WDFY3: variants seen among roughly 807,000 people sequenced by gnomAD.
WDFY3 encodes the protein WD repeat and FYVE domain-containing protein 3.
A neutral mutation model predicts 409.6 loss-of-function variants in WDFY3; 66 were observed. The observed-to-expected ratio is 0.16, with a 90% CI of 0.13 to 0.20. The LOEUF is 0.20. WDFY3 is among the 10% of genes least tolerant of loss of function. The pLI is 1.00. For missense variants in WDFY3, 3,031 were observed against 4,298.1 expected (o/e 0.71, Z 8.24); for synonymous variants, 1,521 against 1,537.1 (o/e 0.99, Z 0.25).
intron 4 of WDFY3, among the ~76,000 whole-genome samples, chr4:84,855,444 T>C (rs1759628062): frequency 6.6e-6 from 1 of 152,194 alleles, no homozygotes; most frequent in Admixed American, 6.5e-5. Flanking sequence ...TTTCAGAAGA[T>C]TTCCTGGCAC....
At chr4:84,699,181 A>G (rs1360015198) in intron 56 of WDFY3, among the ~76,000 whole-genome samples, 3 of 152,094 alleles carry the variant, frequency 2.0e-5, no homozygotes, top group African/African-American at 7.2e-5. Flanking sequence ...TATCACCACC[A>G]AAGTAATCTT....
chr4:84,722,175 G>A (rs1734959419), intron 46 of WDFY3, among the ~76,000 whole-genome samples: 1 of 152,044 alleles, frequency 6.6e-6, no homozygotes, highest in South Asian at 2.1e-4. Context: ...ATCACCTGAG[G>A]TCAGGAGTTT....
intron 3 of WDFY3, among the ~76,000 whole-genome samples, chr4:84,880,911 G>A (rs1578958772): frequency 6.6e-6 from 1 of 150,442 alleles, no homozygotes; most frequent in East Asian, 2.0e-4. Flanking sequence ...TTAGTAGAGA[G>A]GGGGTTTCGC....
chr4:84,813,588 C>T (rs983515580), intron 13 of WDFY3, among the ~76,000 whole-genome samples: 1 of 151,954 alleles, frequency 6.6e-6, no homozygotes, highest in Admixed American at 6.6e-5. Flanking sequence ...GTATTTATAC[C>T]CTGGAAATCA....
intron 1 of WDFY3, among the ~76,000 whole-genome samples, chr4:84,962,442 C>G (rs1003749327): frequency 7.2e-5 from 11 of 152,058 alleles, no homozygotes; most frequent in African/African-American, 2.7e-4. Flanking sequence ...CGAGATAAAA[C>G]TTTAAGAGCA....
Position 84,860,424 on chromosome 4 carries a change from T to G in WDFY3, c.168A>C (p.Pro56=), listed in dbSNP as rs1244441138. ...AACCTGGACTTACCCTGTTAAACAC[T>G]GGCAGCATCATATACAGTTTCTCTT... ...EQEEKLYMML[P]VFNRVFGNAP... Residue 56 remains proline (P), a synonymous_variant, in exon 4 of 68, where the codon CCA becomes CCC. Transcript: ENST00000295888. 4 of 1,612,856 alleles carry G rather than the reference T, an allele frequency of 2.5e-6. No individual in the cohort carries two copies. In the African/African-American group the frequency reaches 5.3e-5, roughly 22 times the overall value.
At chr4:84,945,492 A>G (rs1302973982) in intron 1 of WDFY3, among the ~76,000 whole-genome samples, 1 of 152,246 alleles carries the variant, frequency 6.6e-6, no homozygotes, top group Non-Finnish European at 1.5e-5. Flanking sequence ...AACTCACTTC[A>G]AATGGTGATG....
chr4:84,738,224 T>G (rs1455386969), intron 40 of WDFY3, among the ~76,000 whole-genome samples: 1 of 151,664 alleles, frequency 6.6e-6, no homozygotes, highest in Non-Finnish European at 1.5e-5. Flanking sequence ...TCACTAAACA[T>G]GTGGAAATAA....
chr4:84,862,621 T>C (rs991812338), intron 3 of WDFY3, among the ~76,000 whole-genome samples: 1 of 152,180 alleles, frequency 6.6e-6, no homozygotes, highest in African/African-American at 2.4e-5. Context: ...CCTTACCCTG[T>C]AGCTAGAGTT....
chr4:84,796,792 A>C (rs772025160), intron 18 of WDFY3, 40 bp from the exon 19 acceptor site: 30 of 1,505,278 alleles, frequency 2.0e-5, no homozygotes, highest in Non-Finnish European at 2.6e-5. Flanking sequence ...TGTCATATGG[A>C]ATTTCAAAAT....
In WDFY3 at chr4:84,943,812, G is replaced by C. The variant is rs148108164; in HGVS notation, c.-225-11449C>G. Among the ~76,000 whole-genome samples, 174 of 152,240 alleles carry C rather than the reference G, an allele frequency of 1.1e-3. 2 individuals carry two copies. In the East Asian group the frequency reaches 0.03, roughly 26 times the overall value. ...TTTGGCCTACACATACTAAAAACTGGAAAATAAGTCTTTACACTACCAGTC... is the reference window on the plus strand; with the variant it reads ...TTTGGCCTACACATACTAAAAACTGCAAAATAAGTCTTTACACTACCAGTC... On this transcript the variant is annotated intron_variant, in intron 1 of 67. Coordinates refer to ENST00000295888, the MANE Select transcript of WDFY3 (RefSeq NM_014991.6).
At chr4:84,782,823 T>C in intron 25 of WDFY3, 140 bp downstream of exon 25, 2 of 632,844 alleles carry the variant, frequency 3.2e-6, no homozygotes, top group Non-Finnish European at 5.5e-6. Context: ...TTGTTACATG[T>C]AATCTCTGAA....
intron 56 of WDFY3, 52 bp downstream of exon 56, chr4:84,702,301 A>G: frequency 1.3e-6 from 2 of 1,499,852 alleles, no homozygotes; most frequent in South Asian, 1.4e-5. Flanking sequence ...ACTTATTTCT[A>G]TTGGACTTTT....
intron 9 of WDFY3, among the ~76,000 whole-genome samples, chr4:84,827,614 G>A (rs780806824): frequency 1.3e-5 from 2 of 152,088 alleles, no homozygotes; most frequent in African/African-American, 4.8e-5. Flanking sequence ...TGAAATTATT[G>A]TATCAGATTA....
At chr4:84,871,529 G>A in intron 3 of WDFY3, among the ~76,000 whole-genome samples, 1 of 151,854 alleles carries the variant, frequency 6.6e-6, no homozygotes, top group Non-Finnish European at 1.5e-5. Context: ...AAGTTCTTCA[G>A]GAAGAAGAAA....
intron 13 of WDFY3, among the ~76,000 whole-genome samples, chr4:84,812,725 C>T (rs1458409863): frequency 6.6e-6 from 1 of 152,104 alleles, no homozygotes. Context: ...AAAACTGCTG[C>T]TTACGAATCT....
chr4:84,757,615 T>C (rs929798053), intron 32 of WDFY3, among the ~76,000 whole-genome samples: 1 of 152,170 alleles, frequency 6.6e-6, no homozygotes, highest in Non-Finnish European at 1.5e-5. Flanking sequence ...TTTTGCTTTG[T>C]TGCCCAGGCT....
intron 55 of WDFY3, among the ~76,000 whole-genome samples, chr4:84,702,923 C>T (rs62303076): frequency 2.0e-5 from 3 of 152,084 alleles, no homozygotes; most frequent in East Asian, 3.9e-4. Flanking sequence ...GGTGAAACCC[C>T]GTCTCTACTA....
Position 84,737,304 on chromosome 4 carries a change from G to C in WDFY3, c.6637C>G (p.Gln2213Glu), listed in dbSNP as rs1268249575. Reference sequence around the variant, plus strand: ...ACTTTGAAAAGTTCCTCTAAGACTTGTTTCTTACTATGTATCAGTTCAGTC... The same window carrying C: ...ACTTTGAAAAGTTCCTCTAAGACTTCTTTCTTACTATGTATCAGTTCAGTC... ...VWTELIHSKKQVLEELFKVTL... is the reference protein window; with the variant it reads ...VWTELIHSKKEVLEELFKVTL... The change falls in exon 41 of 68, where the codon CAA becomes GAA. Residue 2213 changes from glutamine (Q) to glutamate (E), a missense_variant. Physicochemically the swap from Gln to Glu is conservative, Grantham distance 29. Transcript: ENST00000295888. 6.2e-7 allele frequency: 1 copy of C among 1,613,668 alleles called. No individual in the cohort carries two copies. Among genetic ancestry groups the C allele is most frequent in the Non-Finnish European group, 8.5e-7 (1 of 1,179,884 alleles).
Sources: allele counts gnomAD v4.1 joint callset (sites outside exome capture counted in the v4.1 genomes callset), GRCh38; gene constraint gnomAD v4.1.1; transcripts MANE v1.5; gene names NCBI Gene and HGNC (gene_info 2026-07-23, HGNC 2026-07-21).